The following SCAI variants were observed in gnomAD, a reference collection of about 807,000 sequenced individuals.
The protein encoded by SCAI is protein SCAI.
A neutral mutation model predicts 92.2 loss-of-function variants in SCAI; 24 were observed. The observed-to-expected ratio is 0.26, with a 90% CI of 0.19 to 0.37. The LOEUF (loss-of-function observed/expected upper bound fraction) is 0.37, where lower values mean the gene tolerates loss of function less well. Among genes scored for constraint, SCAI ranks in the 10% least tolerant of loss-of-function variants. The pLI, the probability that SCAI is intolerant of heterozygous loss-of-function variation, is 1.00. For missense variants in SCAI, 450 were observed against 736.2 expected (o/e 0.61, Z 4.50); for synonymous variants, 261 against 258.6 (o/e 1.01, Z -0.09).
intron 9 of SCAI, among the ~76,000 whole-genome samples, chr9:125,012,874 C>T (rs1832669451): frequency 6.6e-6 from 1 of 151,978 alleles, no homozygotes; most frequent in Non-Finnish European, 1.5e-5. Context: ...GATTAAGAAA[C>T]TCACTCAAAA....
At chr9:124,981,039 T>A (rs1831874499) in intron 14 of SCAI, among the ~76,000 whole-genome samples, 1 of 152,230 alleles carries the variant, frequency 6.6e-6, no homozygotes. Context: ...AATCTTATAA[T>A]CTTTATTTGC....
At chr9:125,129,546 CT>C (rs1835355380) in intron 2 of SCAI, among the ~76,000 whole-genome samples, 1 of 145,358 alleles carries the variant, frequency 6.9e-6, no homozygotes, top group Non-Finnish European at 1.5e-5. Context: ...TCACTGCAAC[CT>C]CCACCTCCCG....
intron 2 of SCAI, among the ~76,000 whole-genome samples, chr9:125,130,114 GT>G (rs1453965521): frequency 6.6e-6 from 1 of 151,918 alleles, no homozygotes; most frequent in African/African-American, 2.4e-5. Context: ...GGCCAGGCTG[GT>G]TTCGAACTCC....
chr9:125,081,665 C>A (rs591014), intron 2 of SCAI, among the ~76,000 whole-genome samples: 35,502 of 151,946 alleles, frequency 0.23, 4,633 homozygotes, highest in Non-Finnish European at 0.3. Flanking sequence ...CTCTGCCTCC[C>A]AAGTTCAAGC....
At chr9:125,056,966 T>A (rs1564395904) in intron 2 of SCAI, among the ~76,000 whole-genome samples, 6 of 152,198 alleles carry the variant, frequency 3.9e-5, no homozygotes, top group African/African-American at 7.2e-5. Flanking sequence ...TCTCCACTTG[T>A]AATAAATTTC....
At chr9:124,965,358 C>T (rs986757747) in intron 17 of SCAI, among the ~76,000 whole-genome samples, 7 of 152,022 alleles carry the variant, frequency 4.6e-5, no homozygotes, top group African/African-American at 1.7e-4. Context: ...CTCAGCCTCC[C>T]GAGTAGCTGA....
chr9:124,990,683 A>G (rs1832100522), intron 14 of SCAI, among the ~76,000 whole-genome samples: 1 of 151,494 alleles, frequency 6.6e-6, no homozygotes, highest in African/African-American at 2.4e-5. Context: ...ATTTAGAAAA[A>G]TAGTGGTTAG....
chr9:125,021,730 C>A (rs1284156451), intron 6 of SCAI, among the ~76,000 whole-genome samples: 1 of 152,032 alleles, frequency 6.6e-6, no homozygotes, highest in Non-Finnish European at 1.5e-5. Flanking sequence ...TCTTTCGACC[C>A]ATGAGTTACT....
At chr9:124,971,568 C>A in intron 16 of SCAI, 98 bp from the exon 17 acceptor site, 2 of 1,392,284 alleles carry the variant, frequency 1.4e-6, no homozygotes, top group Admixed American at 2.0e-5. Flanking sequence ...AACTTTCCTG[C>A]CTGGGACACA....
chr9:125,035,000 T>C (rs1008781450), intron 3 of SCAI, among the ~76,000 whole-genome samples: 4 of 152,178 alleles, frequency 2.6e-5, no homozygotes, highest in Non-Finnish European at 5.9e-5. Flanking sequence ...GCATGGTAAA[T>C]ACAGTTTATG....
chr9:125,131,326 G>A (rs1316205777), intron 2 of SCAI, among the ~76,000 whole-genome samples: 3 of 150,942 alleles, frequency 2.0e-5, no homozygotes, highest in Admixed American at 1.3e-4. Context: ...GAGAATCGCT[G>A]GAACCCGGGA....
At chr9:125,078,397 A>C (rs1226802511) in intron 2 of SCAI, among the ~76,000 whole-genome samples, 1 of 151,962 alleles carries the variant, frequency 6.6e-6, no homozygotes, top group Non-Finnish European at 1.5e-5. Context: ...GCATGGTGGC[A>C]CATGCCTGTA....
chr9:125,014,681 T>C (rs1832712840), intron 9 of SCAI, among the ~76,000 whole-genome samples: 1 of 152,112 alleles, frequency 6.6e-6, no homozygotes, highest in Admixed American at 6.6e-5. Flanking sequence ...GAAAAAACTA[T>C]TTTAAAGTTC....
chr9:125,093,357 T>C (rs1214695020), intron 2 of SCAI, among the ~76,000 whole-genome samples: 2 of 151,922 alleles, frequency 1.3e-5, no homozygotes, highest in East Asian at 1.9e-4. Context: ...CAAAACTCCA[T>C]CTCAAAAATA....
chr9:125,022,254 T>C (rs1187946655), intron 6 of SCAI, among the ~76,000 whole-genome samples: 1 of 152,226 alleles, frequency 6.6e-6, no homozygotes, highest in Non-Finnish European at 1.5e-5. Flanking sequence ...TATATTTTCC[T>C]GAATTGTTCC....
intron 3 of SCAI, among the ~76,000 whole-genome samples, chr9:125,042,658 C>CAG (rs1564390425): frequency 2.1e-5 from 3 of 143,702 alleles, no homozygotes; most frequent in Non-Finnish European, 4.5e-5. Context: ...CACACACACA[C>CAG]ACACACACAT....
At chr9:124,986,239 C>T (rs1318625638) in intron 14 of SCAI, among the ~76,000 whole-genome samples, 1 of 151,348 alleles carries the variant, frequency 6.6e-6, no homozygotes, top group East Asian at 2.0e-4. Flanking sequence ...TGCAGTGAGC[C>T]GAGATCACGC....
intron 3 of SCAI, among the ~76,000 whole-genome samples, chr9:125,032,980 A>T (rs1472103111): frequency 6.6e-6 from 1 of 152,214 alleles, no homozygotes. Flanking sequence ...GTGAAAACTG[A>T]TCTCTTCAAT....
intron 15 of SCAI, among the ~76,000 whole-genome samples, chr9:124,972,648 A>T (rs1307664608): frequency 6.6e-6 from 1 of 152,204 alleles, no homozygotes; most frequent in East Asian, 1.9e-4. Context: ...CCTCAAACTC[A>T]ACATGTCAAC....
Sources: allele counts gnomAD v4.1 joint callset (sites outside exome capture counted in the v4.1 genomes callset), GRCh38; gene constraint gnomAD v4.1.1; transcripts MANE v1.5; gene names NCBI Gene and HGNC (gene_info 2026-07-23, HGNC 2026-07-21).